The following ZNF202 variants were observed in gnomAD, a reference collection of about 807,000 sequenced individuals.
ZNF202 encodes the protein zinc finger protein 202.
ZNF202 carries 22 observed loss-of-function variants against 54.5 expected under a neutral mutation model. The ratio of observed to expected loss-of-function variants is 0.40; its 90% CI spans 0.29 to 0.58. The LOEUF (loss-of-function observed/expected upper bound fraction) is 0.58. Ranked by LOEUF, ZNF202 falls within the 20% of genes least tolerant of loss-of-function variation. ZNF202 has a pLI of 0.39. For missense variants in ZNF202, 644 were observed against 805.5 expected (o/e 0.80, Z 2.43); for synonymous variants, 294 against 301.4 (o/e 0.98, Z 0.26).
intron 3 of ZNF202, chr11:123,738,768 T>G (rs1399078068): frequency 6.6e-6 from 1 of 152,242 alleles, no homozygotes. Context: ...ACACAGCCTG[T>G]GTGGATACTC....
At chr11:123,736,588 C>T (rs1861640778) in intron 3 of ZNF202, among the ~76,000 whole-genome samples, 1 of 152,132 alleles carries the variant, frequency 6.6e-6, no homozygotes, top group African/African-American at 2.4e-5. Flanking sequence ...AAGATTAGCC[C>T]AGTACAATCC....
At chr11:123,735,000 C>T (rs545867581) in intron 3 of ZNF202, among the ~76,000 whole-genome samples, 1 of 138,790 alleles carries the variant, frequency 7.2e-6, no homozygotes, top group Admixed American at 7.2e-5. Flanking sequence ...GCAAGTCACA[C>T]AACACTTGGC....
intron 8 of ZNF202, 150 bp from the exon 9 acceptor site, chr11:123,727,141 T>C: frequency 9.6e-7 from 1 of 1,043,326 alleles, no homozygotes; most frequent in South Asian, 1.6e-5. Flanking sequence ...TGTTATGCTA[T>C]CAACAAACCT....
chr11:123,740,817 T>C (rs1861829417), intron 1 of ZNF202, among the ~76,000 whole-genome samples: 1 of 152,076 alleles, frequency 6.6e-6, no homozygotes, highest in Admixed American at 6.5e-5. Context: ...ATCAAGACAC[T>C]CAAGAAGTAG....
At chr11:123,727,881 C>T (rs905718236) in intron 7 of ZNF202, among the ~76,000 whole-genome samples, 1 of 152,172 alleles carries the variant, frequency 6.6e-6, no homozygotes, top group Non-Finnish European at 1.5e-5. Context: ...AACTCATGTG[C>T]TTACTTCAAA....
At chr11:123,734,174 T>C (rs1307893964) in intron 3 of ZNF202, among the ~76,000 whole-genome samples, 3 of 152,142 alleles carry the variant, frequency 2.0e-5, no homozygotes, top group Non-Finnish European at 4.4e-5. Flanking sequence ...TGGGCTGTCC[T>C]GTTCCTGACA....
At chr11:123,737,496 G>A (rs958868919) in intron 3 of ZNF202, among the ~76,000 whole-genome samples, 2 of 152,156 alleles carry the variant, frequency 1.3e-5, no homozygotes, top group Admixed American at 1.3e-4. Context: ...TAGAGAAAGG[G>A]AAGACAGGAA....
In ZNF202 at chr11:123,736,980, CA is replaced by C. The variant is rs571737858; in HGVS notation, c.-98+3136del. Among the ~76,000 whole-genome samples the C allele has an allele frequency of 7.7e-4, 117 of 151,630 alleles. 1 individual carries two copies. Among genetic ancestry groups the C allele is most frequent in the South Asian group, 1.9e-3 (9 of 4,798 alleles). On this transcript the variant is annotated intron_variant, in intron 3 of 8. Coordinates refer to ENST00000530393, the MANE Select transcript of ZNF202 (RefSeq NM_003455.4). Reference sequence around the variant, plus strand: ...ACAGTTCTCTATTGCATCATAATTACAAAAAAACAGATGGCATAAGGAAAAT... The same window carrying C: ...ACAGTTCTCTATTGCATCATAATTACAAAAAACAGATGGCATAAGGAAAAT...
Position 123,729,630 on chromosome 11 carries a change from T to A in ZNF202, c.598A>T (p.Thr200Ser), listed in dbSNP as rs1258263782. 6.3e-7 allele frequency: 1 copy of A among 1,597,426 alleles called. No individual in the cohort carries two copies. The highest frequency in any genetic ancestry group is 8.5e-7 in the Non-Finnish European group (1 of 1,172,326). ...QRPHQEEELQ[T>S]LQESEVPVPE... ...TGCTTCCCACCGCTCTCCTGCAGGG[T>A]CTGGAGCTCCTCTTCCTGGTGTGGA... Residue 200 changes from threonine (T) to serine (S), a missense_variant, in exon 5 of 9, where the codon ACC becomes TCC. Thr to Ser is a moderately conservative substitution (Grantham distance 58). Coordinates refer to ENST00000530393, the MANE Select transcript of ZNF202 (RefSeq NM_003455.4).
intron 3 of ZNF202, chr11:123,739,610 A>G (rs1361669135): frequency 6.6e-6 from 1 of 152,240 alleles, no homozygotes; most frequent in East Asian, 1.9e-4. Context: ...TTTGGCATAT[A>G]GCATTCAGTT....
chr11:123,738,346 C>T (rs559608700), intron 3 of ZNF202, among the ~76,000 whole-genome samples: 2 of 152,306 alleles, frequency 1.3e-5, no homozygotes, highest in South Asian at 2.1e-4. Flanking sequence ...GATTTATACA[C>T]CTGGCCATCA....
chr11:123,725,287 A>G lies in ZNF202; in HGVS notation c.*710T>C, dbSNP rs1411893309. On this transcript the variant is annotated 3_prime_UTR_variant, in exon 9 of 9. Transcript: ENST00000530393. ...AAAAACAAAACCAAAACTCGTATGG[A>G]AAGAGGCTTCTGACTAGGCCCTCCT... 4 of 152,206 alleles carry G rather than the reference A, an allele frequency of 2.6e-5. No individual in the cohort carries two copies. Among genetic ancestry groups the G allele is most frequent in the Non-Finnish European group, 5.9e-5 (4 of 68,038 alleles). 9.4% of individuals were successfully genotyped at this position (152,206 alleles called of 1,614,324 possible).
rs1167005097 is a variant in ZNF202, at chr11:123,725,493, G to C, written c.*504C>G. On this transcript the variant is annotated 3_prime_UTR_variant, in exon 9 of 9. Transcript: ENST00000530393. ...GGATCTATGCAGTTATCCTGTGAAT[G>C]TGTGGCAAAGCCATCAGGACGCAAA... 6.5e-6 allele frequency: 1 copy of C among 154,602 alleles called. No homozygotes were observed. Among genetic ancestry groups the C allele is most frequent in the Admixed American group, 6.3e-5 (1 of 15,834 alleles). The allele number at this position is 154,602 out of a possible 1,614,324, so 9.6% of individuals were successfully genotyped here.
At position 123,741,242 on chromosome 11, in the gene ZNF202, A is replaced by C. The variant is rs368364498; in HGVS notation, c.-294+307T>G. On this transcript the variant is annotated intron_variant, in intron 1 of 8. Coordinates refer to ENST00000530393, the MANE Select transcript of ZNF202 (RefSeq NM_003455.4). ...AAGCGTTAGGAGGTACGAGGTACGG[A>C]CTAACTACATTTCTGCAGGCCCCAG... 2.0e-4 allele frequency among the ~76,000 whole-genome samples: 31 copies of C among 152,174 alleles called. No homozygotes were observed. In the East Asian group the frequency reaches 3.7e-3, roughly 18 times the overall value.
chr11:123,727,848 A>G (rs1861223447), intron 7 of ZNF202, among the ~76,000 whole-genome samples: 1 of 152,194 alleles, frequency 6.6e-6, no homozygotes, highest in Admixed American at 6.5e-5. Context: ...AAGAAAGATT[A>G]TCTCCAACTC....
intron 3 of ZNF202, among the ~76,000 whole-genome samples, chr11:123,733,999 ATC>A (rs980921805): frequency 6.6e-5 from 10 of 152,176 alleles, no homozygotes; most frequent in Admixed American, 2.0e-4. Flanking sequence ...TTGGTTTGGA[ATC>A]TCACTGCGCC....
chr11:123,725,870 T>G lies in ZNF202; in HGVS notation c.*127A>C. 9.1e-7 allele frequency: 1 copy of G among 1,099,796 alleles called. No individual in the cohort carries two copies. The highest frequency in any genetic ancestry group is 1.7e-5 in the South Asian group (1 of 60,022). The allele number at this position is 1,099,796 out of a possible 1,614,324, so 68.1% of individuals were successfully genotyped here. On this transcript the variant is annotated 3_prime_UTR_variant, in exon 9 of 9. Coordinates refer to ENST00000530393, the MANE Select transcript of ZNF202 (RefSeq NM_003455.4). ...CGTGTTTAGTTGCAGGAAGAGGTAA[T>G]GTCAGATCTGAGCAGGTCAGGGAGA... is the stretch of plus-strand genomic sequence containing the variant.
chr11:123,729,563 C>A, intron 5 of ZNF202, 52 bp downstream of exon 5: 1 of 1,458,270 alleles, frequency 6.9e-7, no homozygotes, highest in South Asian at 1.4e-5. Flanking sequence ...GAAATGTCCC[C>A]CTCCTTGCCT....
chr11:123,725,955 T>TAGGTGAGGGCTGAAGGG lies in ZNF202; in HGVS notation c.*41_*42insCCCTTCAGCCCTCACCT. 1 of 1,567,606 alleles carries TAGGTGAGGGCTGAAGGG rather than the reference T, an allele frequency of 6.4e-7. No homozygotes were observed. Among genetic ancestry groups the TAGGTGAGGGCTGAAGGG allele is most frequent in the South Asian group, 1.2e-5 (1 of 82,834 alleles). ...GGCTTTTCCTCTTCCTCACCTCCCT[T>TAGGTGAGGGCTGAAGGG]AGGTGAGGGCTGAAAGCAGATCTCC... is the stretch of plus-strand genomic sequence containing the variant. On this transcript the variant is annotated 3_prime_UTR_variant, in exon 9 of 9. Transcript: ENST00000530393.
Sources: gnomAD v4.1 joint callset for allele counts (sites outside exome capture counted in the v4.1 genomes callset) on GRCh38, gnomAD v4.1.1 for gene constraint, MANE v1.5 for transcripts, NCBI Gene and HGNC (gene_info 2026-07-23, HGNC 2026-07-21) for gene names.